SLC35F3: variants seen among roughly 807,000 people sequenced by gnomAD.
SLC35F3 encodes the protein solute carrier family 35 member F3.
A neutral mutation model predicts 49.9 loss-of-function variants in SLC35F3; 25 were observed. That is an observed-to-expected ratio of 0.50 (90% CI 0.37 to 0.70). SLC35F3 has a LOEUF of 0.70. Among genes scored for constraint, SLC35F3 ranks in the 30% least tolerant of loss-of-function variants. The pLI is 0.00. For missense variants in SLC35F3, 525 were observed against 639.8 expected, an observed-to-expected ratio of 0.82 and a Z score of 1.94; for synonymous variants, 275 against 265.4, an observed-to-expected ratio of 1.04 and a Z score of -0.35.
chr1:234,294,993 A>G (rs765982210), intron 3 of SLC35F3, among the ~76,000 whole-genome samples: 4 of 152,260 alleles, frequency 2.6e-5, no homozygotes, highest in Admixed American at 6.5e-5. Flanking sequence ...GATATCTGCA[A>G]ATTTCTGAAG....
At chr1:234,243,963 G>A (rs954288705) in intron 3 of SLC35F3, among the ~76,000 whole-genome samples, 1 of 152,204 alleles carries the variant, frequency 6.6e-6, no homozygotes, top group African/African-American at 2.4e-5. Context: ...AGGCTTCAAG[G>A]GATTGCATAG....
chr1:234,051,677 T>A (rs1480777401), intron 2 of SLC35F3, among the ~76,000 whole-genome samples: 1 of 152,216 alleles, frequency 6.6e-6, no homozygotes, highest in Non-Finnish European at 1.5e-5. Flanking sequence ...CAACACTATG[T>A]TGAATAGGAG....
intron 2 of SLC35F3, among the ~76,000 whole-genome samples, chr1:234,199,386 G>C (rs1666868724): frequency 6.6e-6 from 1 of 152,180 alleles, no homozygotes; most frequent in South Asian, 2.1e-4. Context: ...ACACAATGGG[G>C]AAAGAGCAGT....
chr1:233,921,691 T>G (rs949209447), intron 2 of SLC35F3, among the ~76,000 whole-genome samples: 2 of 152,158 alleles, frequency 1.3e-5, no homozygotes, highest in Admixed American at 1.3e-4. Context: ...CTAGGGTACA[T>G]GTGCACAACG....
chr1:234,145,605 C>T (rs1037522949), intron 2 of SLC35F3, among the ~76,000 whole-genome samples: 1 of 152,008 alleles, frequency 6.6e-6, no homozygotes, highest in Non-Finnish European at 1.5e-5. Flanking sequence ...CTATATTGAA[C>T]CTGTATAGAC....
intron 2 of SLC35F3, among the ~76,000 whole-genome samples, chr1:234,113,124 T>C (rs1277686891): frequency 6.6e-6 from 1 of 152,204 alleles, no homozygotes; most frequent in Non-Finnish European, 1.5e-5. Flanking sequence ...ATATATGTGC[T>C]GTGCTTAAAG....
chr1:234,236,714 T>C (rs1667475467), intron 3 of SLC35F3, among the ~76,000 whole-genome samples: 1 of 151,892 alleles, frequency 6.6e-6, no homozygotes, highest in Admixed American at 6.6e-5. Flanking sequence ...TCAGGAGTCA[T>C]GGAAGCAATG....
At chr1:234,262,411 A>G (rs1667919364) in intron 3 of SLC35F3, among the ~76,000 whole-genome samples, 1 of 152,238 alleles carries the variant, frequency 6.6e-6, no homozygotes, top group African/African-American at 2.4e-5. Context: ...GAATACATGC[A>G]TTAATGAAAG....
At position 234,204,623 on chromosome 1, in the gene SLC35F3, A is replaced by G. The variant is rs1011487782; in HGVS notation, c.284-26794A>G. Among the ~76,000 whole-genome samples the G allele has an allele frequency of 2.0e-5, 3 of 152,204 alleles. No individual in the cohort carries two copies. The South Asian group carries it at 6.2e-4, about 32-fold the overall frequency. On this transcript the variant is annotated intron_variant, in intron 2 of 7. Transcript: ENST00000366618. ...CACAGCCAGAAACACTGTGGCACCA[A>G]CTAGATAATTTTAGGAACAAACCAT...
chr1:234,113,528 C>A (rs1665439565), intron 2 of SLC35F3, among the ~76,000 whole-genome samples: 1 of 152,154 alleles, frequency 6.6e-6, no homozygotes, highest in South Asian at 2.1e-4. Flanking sequence ...AAAATGAAGT[C>A]TTTCTTGTGT....
chr1:234,252,412 CAAAAAA>C (rs1450245068), intron 3 of SLC35F3, among the ~76,000 whole-genome samples: 3 of 151,446 alleles, frequency 2.0e-5, no homozygotes, highest in Non-Finnish European at 4.4e-5. Context: ...TACTGCTTGG[CAAAAAA>C]TAAAAATAAA....
Position 234,231,770 on chromosome 1 carries a change from C to T in SLC35F3, c.608+29C>T. 2 of 1,569,514 alleles carry T rather than the reference C, an allele frequency of 1.3e-6. No homozygotes were observed. The highest frequency in any genetic ancestry group is 1.7e-6 in the Non-Finnish European group (2 of 1,153,410). ...GGCGCGTCCTGCATGAGGAGGCCTC[C>T]TGACCCCGGGCTGCTCCATCCAGCG... On this transcript the variant is annotated intron_variant, in intron 3 of 7. Coordinates refer to ENST00000366618, the MANE Select transcript of SLC35F3 (RefSeq NM_173508.4). This position sits in a 1 kb window ranked among gnomAD's most constrained non-coding sequence, Gnocchi z 5.4.
intron 2 of SLC35F3, among the ~76,000 whole-genome samples, chr1:234,180,618 T>C (rs1171967807): frequency 1.3e-5 from 2 of 152,188 alleles, no homozygotes; most frequent in African/African-American, 4.8e-5. Flanking sequence ...AAAGTTGTAG[T>C]CTTGGGGACT....
intron 2 of SLC35F3, among the ~76,000 whole-genome samples, chr1:233,973,384 G>A (rs1425754672): frequency 6.6e-6 from 1 of 152,172 alleles, no homozygotes; most frequent in Non-Finnish European, 1.5e-5. Context: ...CACATGAGGT[G>A]GCCCAGTAAT....
intron 2 of SLC35F3, among the ~76,000 whole-genome samples, chr1:233,932,560 A>G (rs541896261): frequency 3.3e-5 from 5 of 152,262 alleles, no homozygotes; most frequent in African/African-American, 1.2e-4. Context: ...CTGGGTGGCA[A>G]TGTATGTGTA....
intron 2 of SLC35F3, among the ~76,000 whole-genome samples, chr1:234,160,361 G>A (rs147667415): frequency 4.1e-4 from 63 of 152,296 alleles, no homozygotes; most frequent in East Asian, 2.5e-3. Flanking sequence ...GCACAACAGC[G>A]TTGTTGGAGA....
At chr1:234,001,340 C>T (rs1419914202) in intron 2 of SLC35F3, among the ~76,000 whole-genome samples, 1 of 152,202 alleles carries the variant, frequency 6.6e-6, no homozygotes, top group African/African-American at 2.4e-5. Context: ...GCAACACTTA[C>T]TTAAATAAGC....
chr1:234,254,026 A>C (rs1297700431), intron 3 of SLC35F3, among the ~76,000 whole-genome samples: 1 of 152,224 alleles, frequency 6.6e-6, no homozygotes, highest in Non-Finnish European at 1.5e-5. Context: ...AACTTCATCC[A>C]TGTCCAAAAC....
intron 3 of SLC35F3, among the ~76,000 whole-genome samples, chr1:234,237,225 A>G (rs550046392): frequency 6.6e-6 from 1 of 152,016 alleles, no homozygotes; most frequent in Non-Finnish European, 1.5e-5. Flanking sequence ...CCCATTTCAC[A>G]TAAGAGGTGG....
Sources: allele counts gnomAD v4.1 joint callset (sites outside exome capture counted in the v4.1 genomes callset), GRCh38; gene constraint gnomAD v4.1.1; non-coding constraint Gnocchi (gnomAD v3.1); transcripts MANE v1.5; gene names NCBI Gene and HGNC (gene_info 2026-07-23, HGNC 2026-07-21).